TAFA1: variants seen among roughly 807,000 people sequenced by gnomAD.
TAFA1 encodes TAFA chemokine like family member 1, also known as chemokine-like protein TAFA-1.
TAFA1 carries 4 observed loss-of-function variants against 18.5 expected under a neutral mutation model. The observed-to-expected ratio is 0.22, with a 90% confidence interval of 0.11 to 0.49. TAFA1 has a LOEUF of 0.49. Ranked by LOEUF, TAFA1 falls within the 20% of genes least tolerant of loss-of-function variation. The probability of loss-of-function intolerance (pLI) is 0.98; values close to 1 mark genes in which losing one functional copy is unlikely to be tolerated. For synonymous variants in TAFA1, 56 were observed against 55.2 expected, an observed-to-expected ratio of 1.01 and a Z score of -0.06; for missense variants, 147 against 169.0, an observed-to-expected ratio of 0.87 and a Z score of 0.72.
At chr3:68,052,156 T>G (rs1489201217) in intron 2 of TAFA1, among the ~76,000 whole-genome samples, 1 of 152,144 alleles carries the variant, frequency 6.6e-6, no homozygotes, top group Non-Finnish European at 1.5e-5. Flanking sequence ...TGTACTGAAT[T>G]TCACCACACT....
rs576776405 is a variant in TAFA1 at position 68,265,910 on chromosome 3, A to T, written c.119-151370A>T. Among the ~76,000 whole-genome samples, 9 of 152,312 alleles carry T rather than the reference A, an allele frequency of 5.9e-5. No individual in the cohort carries two copies. In the South Asian group the frequency reaches 1.7e-3, roughly 28 times the overall value. Reference sequence around the variant, plus strand: ...TGTCATCCTAAAAGGTTTATGCCTGAAAGTAAAAGTTCAGAATATTAAGAA... The same window carrying T: ...TGTCATCCTAAAAGGTTTATGCCTGTAAGTAAAAGTTCAGAATATTAAGAA... On this transcript the variant is annotated intron_variant, in intron 2 of 4. Coordinates refer to ENST00000478136, the MANE Select transcript of TAFA1 (RefSeq NM_213609.4).
chr3:68,118,650 T>A (rs1003776191), intron 2 of TAFA1, among the ~76,000 whole-genome samples: 1 of 152,250 alleles, frequency 6.6e-6, no homozygotes, highest in Non-Finnish European at 1.5e-5. Context: ...GACTGACTTA[T>A]TTCACGTAGC....
intron 3 of TAFA1, among the ~76,000 whole-genome samples, chr3:68,474,835 A>C (rs1398878265): frequency 6.6e-6 from 1 of 152,200 alleles, no homozygotes; most frequent in Non-Finnish European, 1.5e-5. Flanking sequence ...AGAGAGAAGC[A>C]ATGAAAATGA....
At chr3:68,210,759 T>C (rs1045099008) in intron 2 of TAFA1, among the ~76,000 whole-genome samples, 2 of 152,026 alleles carry the variant, frequency 1.3e-5, no homozygotes, top group Non-Finnish European at 2.9e-5. Context: ...GGAGGTAGTA[T>C]ATTGGTTATC....
chr3:68,544,090 G>A (rs1279277417), intron 4 of TAFA1, among the ~76,000 whole-genome samples: 1 of 152,022 alleles, frequency 6.6e-6, no homozygotes, highest in African/African-American at 2.4e-5. Context: ...AAATGAAAGT[G>A]CAGGGCCCTT....
chr3:68,274,530 T>A (rs758016170), intron 2 of TAFA1, among the ~76,000 whole-genome samples: 23 of 152,180 alleles, frequency 1.5e-4, no homozygotes, highest in Non-Finnish European at 2.6e-4. Context: ...GCAGCTAATA[T>A]CCTCAAGGAC....
rs1000524629 is a variant in TAFA1 at position 68,427,664 on chromosome 3, T to A, written c.259+10244T>A. On this transcript the variant is annotated intron_variant, in intron 3 of 4. Transcript: ENST00000478136. ...TTTTGAAAACCTACCACCCCCCCCA[T>A]ACAAGTTCAAACAACAAGATATGAA... Among the ~76,000 whole-genome samples, 3 of 151,868 alleles carry A rather than the reference T, an allele frequency of 2.0e-5. No homozygotes were observed. The East Asian group carries it at 5.8e-4, about 30-fold the overall frequency.
intron 2 of TAFA1, among the ~76,000 whole-genome samples, chr3:68,114,010 T>G (rs1325452305): frequency 6.7e-6 from 1 of 149,776 alleles, no homozygotes; most frequent in East Asian, 2.0e-4. Flanking sequence ...ATTCAAACAA[T>G]TATCATGTCT....
At position 68,316,346 on chromosome 3, in the gene TAFA1, G is replaced by A. The variant is rs558005375; in HGVS notation, c.119-100934G>A. On this transcript the variant is annotated intron_variant, in intron 2 of 4. Coordinates refer to ENST00000478136, the MANE Select transcript of TAFA1 (RefSeq NM_213609.4). ...TTAGAATGGCTTGGAAAATTTACCT[G>A]TCCTAAAATATCTGAGGATATACCC... Among the ~76,000 whole-genome samples the A allele has an allele frequency of 4.6e-5, 7 of 152,230 alleles. No individual in the cohort carries two copies. In the South Asian group the frequency reaches 1.2e-3, roughly 27 times the overall value.
chr3:68,191,178 T>C (rs1336121146), intron 2 of TAFA1, among the ~76,000 whole-genome samples: 1 of 151,878 alleles, frequency 6.6e-6, no homozygotes, highest in African/African-American at 2.4e-5. Flanking sequence ...TGTCTTTCCA[T>C]TTTTAAATTC....
the TAFA1 span, among the ~76,000 whole-genome samples, chr3:67,995,694 G>A: frequency 1.3e-5 from 2 of 152,072 alleles, no homozygotes; most frequent in African/African-American, 2.4e-5. Context: ...GGGACAAAGG[G>A]GTGGAGAAAA....
intron 2 of TAFA1, among the ~76,000 whole-genome samples, chr3:68,297,252 A>G (rs2068224113): frequency 6.6e-6 from 1 of 152,228 alleles, no homozygotes; most frequent in Admixed American, 6.5e-5. Flanking sequence ...CCATTTGATT[A>G]GGGTATTTCT....
chr3:68,184,836 C>T (rs2066250838), intron 2 of TAFA1, among the ~76,000 whole-genome samples: 2 of 152,116 alleles, frequency 1.3e-5, no homozygotes, highest in East Asian at 1.9e-4. Context: ...TAAAAATGTT[C>T]ACTCTTCAAC....
At chr3:68,371,086 T>G (rs1204238267) in intron 2 of TAFA1, among the ~76,000 whole-genome samples, 1 of 152,170 alleles carries the variant, frequency 6.6e-6, no homozygotes, top group East Asian at 1.9e-4. Context: ...TAAGAAAAGA[T>G]TGTAATTTTT....
chr3:68,259,272 C>G (rs2067360825), intron 2 of TAFA1, among the ~76,000 whole-genome samples: 1 of 152,060 alleles, frequency 6.6e-6, no homozygotes, highest in Admixed American at 6.6e-5. Context: ...CTCTTTAGTT[C>G]AACAATGTAA....
chr3:68,210,076 A>T (rs1447366845), intron 2 of TAFA1, among the ~76,000 whole-genome samples: 1 of 151,960 alleles, frequency 6.6e-6, no homozygotes, highest in Non-Finnish European at 1.5e-5. Flanking sequence ...AGAGAAAAGG[A>T]GAAAATAATT....
intron 2 of TAFA1, among the ~76,000 whole-genome samples, chr3:68,294,900 T>A (rs1166677578): frequency 2.0e-5 from 3 of 152,086 alleles, no homozygotes; most frequent in Non-Finnish European, 4.4e-5. Context: ...AAAAATTTAC[T>A]TCTTGAATCA....
At chr3:68,210,921 A>G (rs2066588782) in intron 2 of TAFA1, among the ~76,000 whole-genome samples, 1 of 152,014 alleles carries the variant, frequency 6.6e-6, no homozygotes, top group African/African-American at 2.4e-5. Context: ...GGCTACAGGC[A>G]TCTGTAAGCT....
At chr3:68,116,545 T>C (rs1012814621) in intron 2 of TAFA1, among the ~76,000 whole-genome samples, 4 of 152,252 alleles carry the variant, frequency 2.6e-5, no homozygotes, top group Non-Finnish European at 4.4e-5. Context: ...ACCATAGTTA[T>C]AGAAACAAAG....
Sources: gnomAD v4.1 joint callset for allele counts (sites outside exome capture counted in the v4.1 genomes callset) on GRCh38, gnomAD v4.1.1 for gene constraint, MANE v1.5 for transcripts, NCBI Gene and HGNC (gene_info 2026-07-23, HGNC 2026-07-21) for gene names.